The following AFDN variants were observed in gnomAD, a reference collection of about 807,000 sequenced individuals.
AFDN encodes afadin, adherens junction formation factor, also known as afadin.
A neutral mutation model predicts 216.6 loss-of-function variants in AFDN; 68 were observed. That is an observed-to-expected ratio of 0.31 (90% CI 0.26 to 0.38). The LOEUF is 0.38. Among genes scored for constraint, AFDN ranks in the 10% least tolerant of loss-of-function variants. The pLI is 1.00. For missense variants in AFDN, 2,136 were observed against 2,342.0 expected (o/e 0.91, Z 1.82); for synonymous variants, 868 against 853.7 (o/e 1.02, Z -0.29).
intron 11 of AFDN, among the ~76,000 whole-genome samples, chr6:167,901,688 C>T (rs746648939): frequency 4.6e-5 from 7 of 152,074 alleles, no homozygotes; most frequent in Non-Finnish European, 7.4e-5. Flanking sequence ...ATAGGGCCGC[C>T]GGCACTTCAA....
intron 5 of AFDN, among the ~76,000 whole-genome samples, chr6:167,878,621 C>G (rs1326533792): frequency 6.6e-6 from 1 of 152,100 alleles, no homozygotes; most frequent in East Asian, 1.9e-4. Flanking sequence ...CTCTCTCTCT[C>G]TCATACACAT....
chr6:167,878,991 A>G (rs955098288), intron 5 of AFDN, among the ~76,000 whole-genome samples: 2 of 152,126 alleles, frequency 1.3e-5, no homozygotes, highest in African/African-American at 4.8e-5. Flanking sequence ...TATATTTTTC[A>G]CAATGTGTGT....
chr6:167,962,698 A>T lies in AFDN; in HGVS notation c.4968+131A>T, dbSNP rs1015734360. The T allele has an allele frequency of 1.3e-6, 2 of 1,544,798 alleles. No homozygotes were observed. Among genetic ancestry groups the T allele is most frequent in the Non-Finnish European group, 1.7e-6 (2 of 1,145,662 alleles). On this transcript the variant is annotated intron_variant, in intron 31 of 33. Transcript: ENST00000683244. The surrounding 1 kb of genome is among the most constrained non-coding windows in gnomAD (Gnocchi z 5.2). ...AGGCAGAGCAGGGCCTGGCTCCCCC[A>T]GCTTTGTGATTGGACCTGCAACTTT...
chr6:167,830,119 A>T (rs949510485), intron 1 of AFDN, among the ~76,000 whole-genome samples: 1 of 152,228 alleles, frequency 6.6e-6, no homozygotes, highest in Non-Finnish European at 1.5e-5. Flanking sequence ...GAAACTCCTT[A>T]AAGTATGTAT....
At chr6:167,841,610 A>G (rs947755837) in intron 1 of AFDN, among the ~76,000 whole-genome samples, 4 of 152,180 alleles carry the variant, frequency 2.6e-5, no homozygotes, top group African/African-American at 7.2e-5. Context: ...CATTTAATTT[A>G]ATTTCTACTC....
At chr6:167,932,171 T>C (rs1793389224) in intron 23 of AFDN, among the ~76,000 whole-genome samples, 1 of 152,192 alleles carries the variant, frequency 6.6e-6, no homozygotes, top group Non-Finnish European at 1.5e-5. Context: ...GCTTTTCTTG[T>C]TTTCTATAAG....
chr6:167,930,439 G>A (rs575280856), intron 23 of AFDN, among the ~76,000 whole-genome samples: 6 of 152,318 alleles, frequency 3.9e-5, no homozygotes, highest in Admixed American at 2.0e-4. Flanking sequence ...ATCCATGGCT[G>A]TTTGCAGAAT....
Position 167,889,332 on chromosome 6 carries a change from A to T in AFDN, c.1009+6A>T, listed in dbSNP as rs759151555. 6.3e-7 allele frequency: 1 copy of T among 1,580,722 alleles called. No individual in the cohort carries two copies. The highest frequency in any genetic ancestry group is 2.2e-5 in the East Asian group (1 of 44,712). On this transcript the variant is annotated splice_donor_region_variant and intron_variant, in intron 7 of 33. Transcript: ENST00000683244. Reference sequence around the variant, plus strand: ...GGAATGGCCAAGTGACAAAGGTAGTAACCTTATTAAAGGATTACTTACACC... The same window carrying T: ...GGAATGGCCAAGTGACAAAGGTAGTTACCTTATTAAAGGATTACTTACACC...
chr6:167,864,204 G>A (rs1783906814), intron 1 of AFDN: 1 of 508,554 alleles, frequency 2.0e-6, no homozygotes, highest in Admixed American at 2.1e-5. Flanking sequence ...TCTTGAAATA[G>A]GGTTAAATAA....
At chr6:167,845,319 C>T (rs1177205820) in intron 1 of AFDN, among the ~76,000 whole-genome samples, 1 of 152,172 alleles carries the variant, frequency 6.6e-6, no homozygotes, top group South Asian at 2.1e-4. Context: ...AATAGTTTTT[C>T]CTACTCAGTC....
intron 15 of AFDN, 57 bp downstream of exon 15, chr6:167,911,546 C>T (rs1257490097): frequency 3.3e-6 from 5 of 1,493,396 alleles, no homozygotes; most frequent in Non-Finnish European, 4.6e-6. Flanking sequence ...AATTGCTAAG[C>T]CAGTGAATTC....
chr6:167,940,220 G>A (rs1174438599), intron 23 of AFDN, among the ~76,000 whole-genome samples: 1 of 151,420 alleles, frequency 6.6e-6, no homozygotes, highest in African/African-American at 2.4e-5. Context: ...GAGATGTAGG[G>A]GTGAGGGTGG....
intron 23 of AFDN, among the ~76,000 whole-genome samples, chr6:167,933,596 A>G (rs1320745818): frequency 6.6e-6 from 1 of 152,242 alleles, no homozygotes; most frequent in Non-Finnish European, 1.5e-5. Context: ...TGCCAGAAAC[A>G]TCTTTCCACT....
chr6:167,910,692 C>T (rs576999457), intron 13 of AFDN, among the ~76,000 whole-genome samples: 6 of 152,284 alleles, frequency 3.9e-5, no homozygotes, highest in Admixed American at 3.9e-4. Context: ...AAGCTTTTCC[C>T]TTTCAGTATA....
At chr6:167,861,974 G>T (rs926401784) in intron 1 of AFDN, among the ~76,000 whole-genome samples, 1 of 152,170 alleles carries the variant, frequency 6.6e-6, no homozygotes, top group Non-Finnish European at 1.5e-5. Context: ...GAAGCCTGGG[G>T]GTAGTTTTGC....
intron 18 of AFDN, among the ~76,000 whole-genome samples, chr6:167,914,940 T>G (rs1487276423): frequency 6.6e-6 from 1 of 152,248 alleles, no homozygotes; most frequent in Non-Finnish European, 1.5e-5. Flanking sequence ...GGCCATACTC[T>G]TTAAAAAGTC....
chr6:167,951,708 C>G lies in AFDN; in HGVS notation c.4354C>G (p.Arg1452Gly). The G allele has an allele frequency of 6.2e-7, 1 of 1,613,974 alleles. No individual in the cohort carries two copies. Among genetic ancestry groups the G allele is most frequent in the East Asian group, 2.2e-5 (1 of 44,866 alleles). Reference protein sequence around the residue: ...REQERKLGQMRTQSLNPAPFS... With the variant: ...REQERKLGQMGTQSLNPAPFS... ...GCAGGAGAGGAAGTTGGGCCAGATG[C>G]GCACTCAGTCCTTAAACCCTGCTCC... Residue 1452 changes from arginine to glycine, a missense_variant, in exon 30 of 34, where the codon CGC (arginine) becomes GGC (glycine). Transcript: ENST00000683244. This position sits in a 1 kb window ranked among gnomAD's most constrained non-coding sequence, Gnocchi z 7.1.
At chr6:167,921,340 G>T (rs1184717066) in intron 21 of AFDN, among the ~76,000 whole-genome samples, 2 of 152,276 alleles carry the variant, frequency 1.3e-5, no homozygotes. Context: ...CGTGGCCGAG[G>T]CATCACCACA....
chr6:167,898,786 C>CT (rs1479395712), intron 11 of AFDN, among the ~76,000 whole-genome samples: 1 of 152,106 alleles, frequency 6.6e-6, no homozygotes, highest in Non-Finnish European at 1.5e-5. Flanking sequence ...TTCAGTGTAA[C>CT]TAAGATTATA....
Sources: allele counts gnomAD v4.1 joint callset (sites outside exome capture counted in the v4.1 genomes callset), GRCh38; gene constraint gnomAD v4.1.1; non-coding constraint Gnocchi (gnomAD v3.1); transcripts MANE v1.5; gene names NCBI Gene and HGNC (gene_info 2026-07-23, HGNC 2026-07-21).